Variants in PXK observed in about 807,000 individuals in gnomAD.
The protein encoded by PXK is PX domain-containing protein kinase-like protein.
PXK carries 35 observed loss-of-function variants against 84.7 expected under a neutral mutation model. That is an observed-to-expected ratio of 0.41 (90% CI 0.32 to 0.55). The LOEUF is 0.55. PXK is among the 20% of genes least tolerant of loss of function. PXK has a pLI of 0.21. For missense variants in PXK, 634 were observed against 699.7 expected, an observed-to-expected ratio of 0.91 and a Z score of 1.06; for synonymous variants, 253 against 260.8, an observed-to-expected ratio of 0.97 and a Z score of 0.29.
chr3:58,338,184 A>G (rs1559838568), intron 1 of PXK, among the ~76,000 whole-genome samples: 1 of 152,078 alleles, frequency 6.6e-6, no homozygotes, highest in Non-Finnish European at 1.5e-5. Flanking sequence ...TCTACTAAAA[A>G]TACAAAATTA....
intron 17 of PXK, among the ~76,000 whole-genome samples, chr3:58,415,660 C>A (rs1282265565): frequency 6.6e-6 from 1 of 152,200 alleles, no homozygotes; most frequent in Non-Finnish European, 1.5e-5. Context: ...TTGGTCTGCT[C>A]ACCCAGTGCA....
chr3:58,392,480 G>A (rs987614480), intron 7 of PXK, among the ~76,000 whole-genome samples: 1 of 152,076 alleles, frequency 6.6e-6, no homozygotes, highest in Non-Finnish European at 1.5e-5. Flanking sequence ...AATCACTAGC[G>A]AACTGAACAC....
At chr3:58,405,991 C>T (rs960360716) in intron 13 of PXK, among the ~76,000 whole-genome samples, 6 of 151,580 alleles carry the variant, frequency 4.0e-5, no homozygotes, top group Admixed American at 1.3e-4. Flanking sequence ...TCTTTTGAGA[C>T]GGAGTCTCGC....
intron 1 of PXK, among the ~76,000 whole-genome samples, chr3:58,341,090 C>A (rs994176178): frequency 1.3e-5 from 2 of 151,896 alleles, no homozygotes; most frequent in African/African-American, 4.8e-5. Flanking sequence ...ATGACAGTGG[C>A]CCTTCATTTG....
intron 6 of PXK, among the ~76,000 whole-genome samples, 187 bp downstream of exon 6, chr3:58,391,407 T>C (rs1409771127): frequency 6.6e-6 from 1 of 152,156 alleles, no homozygotes; most frequent in Non-Finnish European, 1.5e-5. Flanking sequence ...AATGCAATTA[T>C]ATTTGGTCAA....
chr3:58,340,116 C>G (rs890280614), intron 1 of PXK, among the ~76,000 whole-genome samples: 2 of 144,216 alleles, frequency 1.4e-5, no homozygotes. Flanking sequence ...CTGCGCCTGG[C>G]CGATTTTTTT....
rs2062650030 is a variant in PXK at position 58,425,080 on chromosome 3, T to C, written c.*120T>C. 3 of 1,394,254 alleles carry C rather than the reference T, an allele frequency of 2.2e-6. No homozygotes were observed. The East Asian group carries it at 7.4e-5, about 35-fold the overall frequency. 86.4% of individuals were successfully genotyped at this position (1,394,254 alleles called of 1,614,324 possible). On this transcript the variant is annotated 3_prime_UTR_variant, in exon 18 of 18. Transcript: ENST00000356151. Reference sequence around the variant, plus strand: ...GCCAGTACAGCCACAAACAGTACTATTTTGCAGATGCTCATGTAAGCAGCT... The same window carrying C: ...GCCAGTACAGCCACAAACAGTACTACTTTGCAGATGCTCATGTAAGCAGCT...
At position 58,333,162 on chromosome 3, in the gene PXK, C is replaced by A. The variant is rs1383003556; in HGVS notation, c.102+72C>A. On this transcript the variant is annotated intron_variant, in intron 1 of 17. Transcript: ENST00000356151. The surrounding 1 kb of genome is among the most constrained non-coding windows in gnomAD (Gnocchi z 5.4). ...CGCGAGGGGGCTGCGGGCTGCCTGG[C>A]GCGGGCCGGGCAGGGTCGTCGGACG... 3.3e-6 allele frequency: 3 copies of A among 914,590 alleles called. No homozygotes were observed. The highest frequency in any genetic ancestry group is 5.8e-5 in the Admixed American group (1 of 17,180). 56.7% of individuals were successfully genotyped at this position (914,590 alleles called of 1,614,324 possible). A position where few individuals can be genotyped will look rare whatever the true frequency, so the allele number is the denominator to read the frequency against.
At chr3:58,350,837 T>C (rs2097908487) in intron 1 of PXK, among the ~76,000 whole-genome samples, 1 of 152,194 alleles carries the variant, frequency 6.6e-6, no homozygotes, top group Non-Finnish European at 1.5e-5. Context: ...GTTATGAAAT[T>C]GGAGCTAGTG....
At chr3:58,344,312 G>A (rs994265094) in intron 1 of PXK, among the ~76,000 whole-genome samples, 1 of 152,218 alleles carries the variant, frequency 6.6e-6, no homozygotes, top group Admixed American at 6.5e-5. Context: ...ATGGGAAAAG[G>A]AAAATTATTT....
intron 1 of PXK, among the ~76,000 whole-genome samples, chr3:58,348,111 T>C (rs1477708894): frequency 6.6e-6 from 1 of 152,204 alleles, no homozygotes; most frequent in African/African-American, 2.4e-5. Flanking sequence ...GGTTTTGCTA[T>C]GTTGGCCAGG....
chr3:58,424,041 C>T (rs1189889027), intron 17 of PXK, among the ~76,000 whole-genome samples: 3 of 152,182 alleles, frequency 2.0e-5, no homozygotes, highest in African/African-American at 7.2e-5. Flanking sequence ...GAGAACAGTA[C>T]TTGAGAAGGA....
At chr3:58,355,236 G>C (rs1414662636) in intron 1 of PXK, among the ~76,000 whole-genome samples, 1 of 152,130 alleles carries the variant, frequency 6.6e-6, no homozygotes, top group Non-Finnish European at 1.5e-5. Flanking sequence ...ATCTTTTCAA[G>C]TTCTCTAGGT....
intron 3 of PXK, among the ~76,000 whole-genome samples, chr3:58,373,230 C>T (rs2098402282): frequency 6.6e-6 from 1 of 152,084 alleles, no homozygotes; most frequent in Admixed American, 6.5e-5. Flanking sequence ...AGGCGCCCGC[C>T]ACCATGCCCG....
chr3:58,399,521 C>A lies in PXK; in HGVS notation c.1181+144C>A. 2.7e-6 allele frequency: 2 copies of A among 744,200 alleles called. No individual in the cohort carries two copies. The highest frequency in any genetic ancestry group is 4.6e-6 in the Non-Finnish European group (2 of 430,652). The allele number at this position is 744,200 out of a possible 1,614,324, so 46.1% of individuals were successfully genotyped here. ...CCTGCTTGCTGATGGGCACTTGCAG[C>A]ATGATATCCTCACCCTTTGTTTGTG... On this transcript the variant is annotated intron_variant, in intron 12 of 17. Transcript: ENST00000356151. This position sits in a 1 kb window ranked among gnomAD's most constrained non-coding sequence, Gnocchi z 4.3.
chr3:58,368,028 G>T (rs1390685308), intron 2 of PXK, among the ~76,000 whole-genome samples: 4 of 151,692 alleles, frequency 2.6e-5, no homozygotes, highest in African/African-American at 9.7e-5. Flanking sequence ...GTAGAAAAGG[G>T]GTCTTGCTAT....
At chr3:58,372,701 A>G (rs1410729706) in intron 3 of PXK, among the ~76,000 whole-genome samples, 1 of 150,718 alleles carries the variant, frequency 6.6e-6, no homozygotes, top group Non-Finnish European at 1.5e-5. Context: ...ATCTTGGCTC[A>G]CTGCAATCTC....
chr3:58,363,997 CAT>C (rs1435795503), intron 1 of PXK, among the ~76,000 whole-genome samples: 1 of 152,136 alleles, frequency 6.6e-6, no homozygotes, highest in Admixed American at 6.6e-5. Context: ...GATACGATCA[CAT>C]GATTTTTCTT....
intron 12 of PXK, among the ~76,000 whole-genome samples, chr3:58,403,295 C>G (rs1047079931): frequency 8.6e-5 from 13 of 151,946 alleles, no homozygotes; most frequent in African/African-American, 2.9e-4. Flanking sequence ...CATGAGCCAC[C>G]GCACCCAGCC....
Sources: gnomAD v4.1 joint callset for allele counts (sites outside exome capture counted in the v4.1 genomes callset) on GRCh38, gnomAD v4.1.1 for gene constraint, Gnocchi (gnomAD v3.1) non-coding constraint, MANE v1.5 for transcripts, NCBI Gene and HGNC (gene_info 2026-07-23, HGNC 2026-07-21) for gene names.